THNSL1: variants seen among roughly 807,000 people sequenced by gnomAD.
THNSL1 encodes threonine synthase like 1.
THNSL1 carries 48 observed loss-of-function variants against 50.4 expected under a neutral mutation model. The ratio of observed to expected loss-of-function variants is 0.95; its 90% CI spans 0.76 to 1.21. The LOEUF (loss-of-function observed/expected upper bound fraction) is 1.21, where lower values mean the gene tolerates loss of function less well. Ranked by LOEUF, THNSL1 falls within the 50% of genes most tolerant of loss-of-function variation. THNSL1 has a pLI of 0.00. For missense variants in THNSL1, 896 were observed against 871.7 expected, an observed-to-expected ratio of 1.03 and a Z score of -0.35; for synonymous variants, 309 against 306.1, an observed-to-expected ratio of 1.01 and a Z score of -0.10.
rs1411699664 is a variant in THNSL1 at position 25,023,896 on chromosome 10, G to A, written c.673G>A (p.Asp225Asn). The A allele has an allele frequency of 6.2e-7, 1 of 1,614,206 alleles. No homozygotes were observed. The highest frequency in any genetic ancestry group is 2.2e-5 in the East Asian group (1 of 44,888). ...GCTGAATGCAATTAAAAGATACCAA[G>A]ATGTGGACTCGGAAACATTCATTTC... ...KVLNAIKRYQ[D>N]VDSETFISTR... The change falls in exon 3 of 3, where the codon GAT becomes AAT. Residue 225 changes from aspartate (D) to asparagine (N), a missense_variant. Physicochemically the swap from Asp to Asn is conservative, Grantham distance 23. Transcript: ENST00000376356.
At chr10:25,000,471 TG>T in the THNSL1 span, among the ~76,000 whole-genome samples, 1 of 152,168 alleles carries the variant, frequency 6.6e-6, no homozygotes, top group Non-Finnish European at 1.5e-5. Flanking sequence ...AAATAGTTTT[TG>T]CTTTATGTAT....
chr10:24,959,686 T>C, the THNSL1 span, among the ~76,000 whole-genome samples: 2 of 152,206 alleles, frequency 1.3e-5, no homozygotes, highest in Non-Finnish European at 2.9e-5. Context: ...AAACTTTTTT[T>C]TTTTGTCTAT....
Position 25,025,309 on chromosome 10 carries a change from G to C in THNSL1, c.2086G>C (p.Gly696Arg). 6.2e-7 allele frequency: 1 copy of C among 1,614,078 alleles called. No homozygotes were observed. The highest frequency in any genetic ancestry group is 8.5e-7 in the Non-Finnish European group (1 of 1,180,014). The change falls in exon 3 of 3, where the codon GGT becomes CGT. Residue 696 changes from glycine to arginine, a missense_variant. By Grantham distance (125) the Gly-to-Arg change is moderately radical (BLOSUM62 -2). Transcript: ENST00000376356. ...TTCATCAAGTCAGCTCTATTTGCTG[G>C]GTTCATACAATGCATTACCTCCACT... ...ETSSSQLYLLGSYNALPPLHE... is the reference protein window; with the variant it reads ...ETSSSQLYLLRSYNALPPLHE...
chr10:24,973,607 A>T, the THNSL1 span, among the ~76,000 whole-genome samples: 1 of 152,140 alleles, frequency 6.6e-6, no homozygotes, highest in Non-Finnish European at 1.5e-5. Flanking sequence ...ATGAGAATAC[A>T]TGAAAAAAAT....
the THNSL1 span, among the ~76,000 whole-genome samples, chr10:24,963,120 C>T: frequency 1.3e-5 from 2 of 152,124 alleles, no homozygotes; most frequent in Non-Finnish European, 2.9e-5. Context: ...ACAGCTGACA[C>T]CTAGGTCACC....
At chr10:24,984,365 T>C in the THNSL1 span, 15 of 1,587,232 alleles carry the variant, frequency 9.5e-6, no homozygotes, top group Non-Finnish European at 1.3e-5. Flanking sequence ...GTTGTGCTGT[T>C]GGTATCATGC....
chr10:25,013,463 C>T (rs866646001), upstream of THNSL1, among the ~76,000 whole-genome samples: 11 of 152,216 alleles, frequency 7.2e-5, no homozygotes, highest in Middle Eastern at 3.4e-3. Flanking sequence ...TTAGTGTGAG[C>T]CAATAGTTGG....
At chr10:24,993,595 G>T in the THNSL1 span, among the ~76,000 whole-genome samples, 1 of 152,318 alleles carries the variant, frequency 6.6e-6, no homozygotes, top group South Asian at 2.1e-4. Context: ...GACTTTAAAA[G>T]AATTTATTTA....
At chr10:24,974,156 G>T in the THNSL1 span, among the ~76,000 whole-genome samples, 1 of 151,962 alleles carries the variant, frequency 6.6e-6, no homozygotes, top group Non-Finnish European at 1.5e-5. Context: ...GATGAGAATG[G>T]GGCAGAAATC....
chr10:24,982,974 A>C, the THNSL1 span: 1 of 152,350 alleles, frequency 6.6e-6, no homozygotes, highest in African/African-American at 2.4e-5. Flanking sequence ...ATATTTTTGC[A>C]TTGCTACTGA....
At chr10:24,964,163 G>A in the THNSL1 span, among the ~76,000 whole-genome samples, 1 of 152,204 alleles carries the variant, frequency 6.6e-6, no homozygotes, top group African/African-American at 2.4e-5. Flanking sequence ...TTCAGAAAGT[G>A]CCAAATGTCC....
At chr10:24,976,632 G>C in the THNSL1 span, among the ~76,000 whole-genome samples, 1 of 152,022 alleles carries the variant, frequency 6.6e-6, no homozygotes, top group Non-Finnish European at 1.5e-5. Flanking sequence ...TGGGATTACA[G>C]GTGCCTGCCA....
the THNSL1 span, among the ~76,000 whole-genome samples, chr10:24,998,360 TC>T: frequency 4.8e-5 from 2 of 41,496 alleles, no homozygotes; most frequent in Admixed American, 3.2e-4. Flanking sequence ...CCTTCCTTCC[TC>T]TCTCTCTCTC....
At chr10:24,978,289 T>C in the THNSL1 span, among the ~76,000 whole-genome samples, 12 of 152,184 alleles carry the variant, frequency 7.9e-5, no homozygotes, top group Non-Finnish European at 7.4e-5. Flanking sequence ...AGTTTTTTTT[T>C]TGTTGGTGGC....
upstream of THNSL1, among the ~76,000 whole-genome samples, chr10:25,011,992 G>C (rs112018861): frequency 7.2e-5 from 11 of 152,346 alleles, no homozygotes; most frequent in African/African-American, 2.6e-4. Flanking sequence ...TGGGCCCAGG[G>C]CCTTGCTGCT....
the THNSL1 span, among the ~76,000 whole-genome samples, chr10:24,978,632 G>A: frequency 6.6e-6 from 1 of 152,136 alleles, no homozygotes; most frequent in Non-Finnish European, 1.5e-5. Flanking sequence ...CATTTGAAAA[G>A]ATTGAAAAAT....
At chr10:24,984,543 T>C in the THNSL1 span, 1 of 1,084,138 alleles carries the variant, frequency 9.2e-7, no homozygotes, top group Non-Finnish European at 1.3e-6. Context: ...AACGTGACAC[T>C]AGTAAAAACA....
chr10:24,964,130 C>T, the THNSL1 span, among the ~76,000 whole-genome samples: 35 of 152,230 alleles, frequency 2.3e-4, no homozygotes, highest in Non-Finnish European at 5.0e-4. Context: ...GTAGCACCCC[C>T]AATTGTAACC....
chr10:24,955,060 C>T, the THNSL1 span, among the ~76,000 whole-genome samples: 1 of 152,078 alleles, frequency 6.6e-6, no homozygotes, highest in Non-Finnish European at 1.5e-5. Context: ...GCAGGCTGTA[C>T]AGAAAGCAAG....
Sources: allele counts gnomAD v4.1 joint callset (sites outside exome capture counted in the v4.1 genomes callset), GRCh38; gene constraint gnomAD v4.1.1; transcripts MANE v1.5; gene names NCBI Gene and HGNC (gene_info 2026-07-23, HGNC 2026-07-21).